Variants in GTPBP1 observed in about 807,000 individuals in gnomAD.
The protein encoded by GTPBP1 is GTP binding protein 1.
In GTPBP1, 23 loss-of-function variants were observed where a neutral mutation model predicts 62.0. The ratio of observed to expected loss-of-function variants is 0.37; its 90% CI spans 0.27 to 0.53. GTPBP1 has a LOEUF of 0.53. GTPBP1 is among the 20% of genes least tolerant of loss of function. The pLI is 0.89. For synonymous variants in GTPBP1, 344 were observed against 364.4 expected, an observed-to-expected ratio of 0.94 and a Z score of 0.64; for missense variants, 640 against 917.3, an observed-to-expected ratio of 0.70 and a Z score of 3.90.
intron 2 of GTPBP1, among the ~76,000 whole-genome samples, chr22:38,715,552 C>T (rs559629692): frequency 7.2e-5 from 11 of 152,324 alleles, no homozygotes; most frequent in African/African-American, 2.2e-4. Flanking sequence ...AGCACTTGAG[C>T]TGTATTGCAA....
chr22:38,742,148 GAAAAAA>G (rs369861899), downstream of GTPBP1, among the ~76,000 whole-genome samples: 9 of 127,778 alleles, frequency 7.0e-5, no homozygotes, highest in East Asian at 1.9e-3. Flanking sequence ...GTCTCAAAAA[GAAAAAA>G]AAAAAAGAAA....
At chr22:38,723,226 T>C (rs909887519) in intron 5 of GTPBP1, 8 of 1,039,394 alleles carry the variant, frequency 7.7e-6, no homozygotes, top group African/African-American at 1.6e-5. Flanking sequence ...CACCAAATTA[T>C]TTCCCCTTAA....
At chr22:38,723,417 G>C in intron 5 of GTPBP1, 2 of 1,083,386 alleles carry the variant, frequency 1.8e-6, no homozygotes, top group Non-Finnish European at 2.8e-6. Flanking sequence ...GCAAGCTTGA[G>C]GGCTGCAGTG....
In GTPBP1 at chr22:38,731,010, T is replaced by TTTG. The variant is rs1556001665; in HGVS notation, c.*307_*308insTGT. ...TATTATATGTCTCTGTCTCTCTCTA[T>TTTG]TGTGTGTGTGTGTGTGTGTGTGTGT... On this transcript the variant is annotated 3_prime_UTR_variant, in exon 12 of 12. Transcript: ENST00000216044. 53 of 183,766 alleles carry TTTG rather than the reference T, an allele frequency of 2.9e-4. No individual in the cohort carries two copies. Among genetic ancestry groups the TTTG allele is most frequent in the African/African-American group, 1.4e-3 (51 of 37,082 alleles). The allele number at this position is 183,766 out of a possible 1,614,324, so 11.4% of individuals were successfully genotyped here.
rs990163336 is a variant in GTPBP1 at position 38,706,110 on chromosome 22, C to T, written c.155C>T (p.Ala52Val). The T allele has an allele frequency of 2.5e-5, 33 of 1,304,794 alleles. No homozygotes were observed. Among genetic ancestry groups the T allele is most frequent in the Non-Finnish European group, 3.1e-5 (32 of 1,025,870 alleles). 80.8% of individuals were successfully genotyped at this position (1,304,794 alleles called of 1,614,324 possible). A position where few individuals can be genotyped will look rare whatever the true frequency, so the allele number is the denominator to read the frequency against. The change falls in exon 1 of 12, where the codon GCG (alanine) becomes GTG (valine). Residue 52 changes from alanine to valine, a missense_variant. Coordinates refer to ENST00000216044, the MANE Select transcript of GTPBP1 (RefSeq NM_004286.5). ...TCGGACTGCAGCGAGGACGGCGAGG[C>T]GCTCAACGGCGAGCCAGAGCTGGAC... ...FDSDCSEDGE[A>V]LNGEPELDLT...
downstream of GTPBP1, chr22:38,737,821 G>A (rs1239761051): frequency 8.3e-6 from 4 of 481,322 alleles, no homozygotes; most frequent in African/African-American, 3.9e-5. The surrounding 1 kb of genome is among the most constrained non-coding windows in gnomAD (Gnocchi z 4.1). Context: ...TGAGGCTCCA[G>A]CTGGCCATGG....
downstream of GTPBP1, chr22:38,734,184 G>A (rs991208789): frequency 5.2e-5 from 18 of 348,074 alleles, no homozygotes; most frequent in East Asian, 2.3e-4. Flanking sequence ...CAGGTGCCAC[G>A]GTCAGTATGA....
intron 4 of GTPBP1, among the ~76,000 whole-genome samples, chr22:38,718,611 A>T (rs1038787179): frequency 6.6e-6 from 1 of 152,088 alleles, no homozygotes; most frequent in Admixed American, 6.5e-5. Context: ...TGGTGGAGGG[A>T]GAGGGAAGTG....
intron 1 of GTPBP1, among the ~76,000 whole-genome samples, chr22:38,708,202 G>A (rs966317521): frequency 2.6e-5 from 4 of 152,178 alleles, no homozygotes; most frequent in African/African-American, 9.7e-5. Context: ...TTAGAGAATG[G>A]GGTCTGATTG....
downstream of GTPBP1, chr22:38,740,776 T>C (rs2092849779): frequency 5.0e-6 from 3 of 599,032 alleles, no homozygotes; most frequent in Non-Finnish European, 8.9e-6. The surrounding 1 kb of genome is among the most constrained non-coding windows in gnomAD (Gnocchi z 4.8). Flanking sequence ...TGAATCCCGG[T>C]CCTCTCACAC....
chr22:38,719,716 A>G (rs2092689378), intron 4 of GTPBP1, among the ~76,000 whole-genome samples: 1 of 151,632 alleles, frequency 6.6e-6, no homozygotes, highest in East Asian at 1.9e-4. Context: ...GTGACTTTTC[A>G]CTGCTAAACA....
intron 4 of GTPBP1, among the ~76,000 whole-genome samples, chr22:38,719,586 G>A (rs2092688638): frequency 6.6e-6 from 1 of 151,762 alleles, no homozygotes; most frequent in African/African-American, 2.4e-5. Flanking sequence ...GGGATTACAG[G>A]TGTGAGCCAC....
chr22:38,713,835 T>A (rs1446362364), intron 2 of GTPBP1, among the ~76,000 whole-genome samples: 1 of 152,212 alleles, frequency 6.6e-6, no homozygotes, highest in African/African-American at 2.4e-5. Flanking sequence ...AGTTTGGATA[T>A]CAGACTTCTA....
At chr22:38,724,225 C>A in intron 5 of GTPBP1, 72 bp from the exon 6 acceptor site, 1 of 835,030 alleles carries the variant, frequency 1.2e-6, no homozygotes, top group Non-Finnish European at 2.1e-6. Flanking sequence ...ATGAGTGGAC[C>A]CATCTTGCTC....
chr22:38,721,111 C>T (rs562017878), intron 4 of GTPBP1, among the ~76,000 whole-genome samples: 2 of 152,252 alleles, frequency 1.3e-5, no homozygotes, highest in African/African-American at 4.8e-5. Flanking sequence ...CAGAGTTTCG[C>T]TCTTGTTGCC....
chr22:38,724,585 G>A (rs1357194681), intron 6 of GTPBP1, among the ~76,000 whole-genome samples, 174 bp downstream of exon 6: 4 of 152,222 alleles, frequency 2.6e-5, no homozygotes, highest in South Asian at 2.1e-4. Context: ...TTAGCGCAGG[G>A]TCTCCCAAGC....
At chr22:38,721,182 C>T (rs1401560838) in intron 4 of GTPBP1, among the ~76,000 whole-genome samples, 7 of 152,116 alleles carry the variant, frequency 4.6e-5, no homozygotes, top group Non-Finnish European at 8.8e-5. Flanking sequence ...CAGATTCAAG[C>T]GATTTTCCTG....
At chr22:38,740,067 G>C (rs959959234), downstream of GTPBP1, 14 of 1,266,320 alleles carry the variant, frequency 1.1e-5, no homozygotes, top group Middle Eastern at 2.1e-4. The surrounding 1 kb of genome is among the most constrained non-coding windows in gnomAD (Gnocchi z 4.8). Flanking sequence ...GGAGGAAAGA[G>C]TTATGAACAC....
downstream of GTPBP1, among the ~76,000 whole-genome samples, chr22:38,742,148 G>GA (rs369861899): frequency 0.015 from 1,909 of 127,668 alleles, 28 homozygotes; most frequent in African/African-American, 0.039. Context: ...GTCTCAAAAA[G>GA]AAAAAAAAAA....
Sources: gnomAD v4.1 joint callset for allele counts (sites outside exome capture counted in the v4.1 genomes callset) on GRCh38, gnomAD v4.1.1 for gene constraint, Gnocchi (gnomAD v3.1) non-coding constraint, MANE v1.5 for transcripts, NCBI Gene and HGNC (gene_info 2026-07-23, HGNC 2026-07-21) for gene names.